The following ADAMTS6 variants were observed in gnomAD, a reference collection of about 807,000 sequenced individuals.
ADAMTS6 encodes A disintegrin and metalloproteinase with thrombospondin motifs 6.
ADAMTS6 carries 23 observed loss-of-function variants against 144.3 expected under a neutral mutation model. The ratio of observed to expected loss-of-function variants is 0.16; its 90% confidence interval spans 0.11 to 0.23. The LOEUF is 0.23. Among genes scored for constraint, ADAMTS6 ranks in the 10% least tolerant of loss-of-function variants. The pLI, the probability that ADAMTS6 is intolerant of heterozygous loss-of-function variation, is 1.00. For missense variants in ADAMTS6, 999 were observed against 1,379.6 expected (o/e 0.72, Z 4.37); for synonymous variants, 444 against 457.5 (o/e 0.97, Z 0.38).
At position 65,479,434 on chromosome 5, in the gene ADAMTS6, T is replaced by G. The variant is rs80176128; in HGVS notation, c.-280+1909A>C. On this transcript the variant is annotated intron_variant, in intron 1 of 24. Transcript: ENST00000381055. ...TATAAAACTCAAGCCCTAAATTACA[T>G]GTAGTCTCACACTTTTTTCCAGATA... Among the ~76,000 whole-genome samples, 193 of 152,318 alleles carry G rather than the reference T, an allele frequency of 1.3e-3. 2 individuals are homozygous for G. The highest frequency in any genetic ancestry group is 4.5e-3 in the African/African-American group (189 of 41,564).
At chr5:65,159,360 G>T (rs1561231583) in intron 24 of ADAMTS6, among the ~76,000 whole-genome samples, 2 of 152,118 alleles carry the variant, frequency 1.3e-5, no homozygotes, top group South Asian at 4.2e-4. Flanking sequence ...CAAAGATAGA[G>T]TCCTAGCTTC....
rs575702612 is a variant in ADAMTS6 at position 65,437,430 on chromosome 5, G to C, written c.1073+14045C>G. Among the ~76,000 whole-genome samples the C allele has an allele frequency of 5.3e-5, 8 of 152,178 alleles. No individual in the cohort carries two copies. In the South Asian group the frequency reaches 1.7e-3, roughly 32 times the overall value. On this transcript the variant is annotated intron_variant, in intron 7 of 24. Transcript: ENST00000381055. ...CATTTTTAAAACCATCAGATCTCATGAGACTTATTCACTATTACAAGAATA... is the reference window on the plus strand; with the variant it reads ...CATTTTTAAAACCATCAGATCTCATCAGACTTATTCACTATTACAAGAATA...
At chr5:65,458,677 TG>T (rs1759412585) in intron 4 of ADAMTS6, among the ~76,000 whole-genome samples, 1 of 152,260 alleles carries the variant, frequency 6.6e-6, no homozygotes, top group African/African-American at 2.4e-5. Flanking sequence ...CCCAAAGTGC[TG>T]GGATTACAGG....
At chr5:65,296,863 CA>C (rs1742888958) in intron 10 of ADAMTS6, among the ~76,000 whole-genome samples, 2 of 152,170 alleles carry the variant, frequency 1.3e-5, no homozygotes, top group Admixed American at 1.3e-4. Context: ...TTAATTTTAA[CA>C]GAGCAAGAGT....
intron 7 of ADAMTS6, among the ~76,000 whole-genome samples, chr5:65,376,171 T>A (rs1488991257): frequency 6.6e-6 from 1 of 151,940 alleles, no homozygotes; most frequent in Non-Finnish European, 1.5e-5. Context: ...AGATGACGAG[T>A]TAGTGGGTGC....
chr5:65,374,862 C>T (rs1317446079), intron 7 of ADAMTS6, among the ~76,000 whole-genome samples: 1 of 152,162 alleles, frequency 6.6e-6, no homozygotes, highest in Non-Finnish European at 1.5e-5. Flanking sequence ...TCAAACTATA[C>T]TACAAGGCTA....
At chr5:65,282,857 C>G (rs984520065) in intron 11 of ADAMTS6, among the ~76,000 whole-genome samples, 1 of 152,030 alleles carries the variant, frequency 6.6e-6, no homozygotes, top group Non-Finnish European at 1.5e-5. Flanking sequence ...TAACCTTGGC[C>G]AAGAAGGAAG....
intron 16 of ADAMTS6, among the ~76,000 whole-genome samples, chr5:65,225,574 C>T (rs569695189): frequency 7.2e-5 from 11 of 152,270 alleles, no homozygotes; most frequent in African/African-American, 2.2e-4. Flanking sequence ...ACTAGTCTGA[C>T]TAATTCCCTA....
chr5:65,274,031 A>C (rs1396614820), intron 11 of ADAMTS6, among the ~76,000 whole-genome samples: 2 of 152,076 alleles, frequency 1.3e-5, no homozygotes, highest in Non-Finnish European at 2.9e-5. Flanking sequence ...AATTTAGCCT[A>C]CCTCCATGAA....
chr5:65,321,371 C>T (rs1232856651), intron 9 of ADAMTS6, among the ~76,000 whole-genome samples: 1 of 151,824 alleles, frequency 6.6e-6, no homozygotes, highest in Non-Finnish European at 1.5e-5. Context: ...ATGTCCTTTG[C>T]CCAATTTTTA....
At chr5:65,197,766 A>AC (rs1244130205) in intron 20 of ADAMTS6, among the ~76,000 whole-genome samples, 1 of 152,174 alleles carries the variant, frequency 6.6e-6, no homozygotes, top group African/African-American at 2.4e-5. Context: ...AACAGAGTTG[A>AC]CCCCTGTTGA....
chr5:65,173,917 G>A (rs1399327994), intron 22 of ADAMTS6, among the ~76,000 whole-genome samples: 1 of 151,882 alleles, frequency 6.6e-6, no homozygotes, highest in Non-Finnish European at 1.5e-5. Context: ...CAGCTACTTG[G>A]GAGGCTGAGG....
At chr5:65,407,235 G>A (rs528999989) in intron 7 of ADAMTS6, among the ~76,000 whole-genome samples, 106 of 152,158 alleles carry the variant, frequency 7.0e-4, no homozygotes, top group African/African-American at 2.4e-3. Flanking sequence ...CAGCCAGAGA[G>A]AAAGGTCGGG....
At chr5:65,423,042 T>C (rs1053485804) in intron 7 of ADAMTS6, among the ~76,000 whole-genome samples, 2 of 152,150 alleles carry the variant, frequency 1.3e-5, no homozygotes, top group Non-Finnish European at 2.9e-5. Flanking sequence ...CTGGAGGCCA[T>C]TGTTCTAAGT....
chr5:65,283,667 TC>T (rs1447598536), intron 11 of ADAMTS6, among the ~76,000 whole-genome samples: 1 of 152,138 alleles, frequency 6.6e-6, no homozygotes, highest in Non-Finnish European at 1.5e-5. Flanking sequence ...CACCTTTTAT[TC>T]CCTAAACCTG....
chr5:65,161,340 C>T (rs1752766612), intron 24 of ADAMTS6, among the ~76,000 whole-genome samples: 1 of 152,200 alleles, frequency 6.6e-6, no homozygotes, highest in South Asian at 2.1e-4. Flanking sequence ...GCCCGGCCTC[C>T]TTGTCTCTTT....
chr5:65,160,010 A>G (rs934461262), intron 24 of ADAMTS6, among the ~76,000 whole-genome samples: 1 of 152,198 alleles, frequency 6.6e-6, no homozygotes, highest in Non-Finnish European at 1.5e-5. Flanking sequence ...TGAAACTTCT[A>G]ATTTTTTTCA....
rs780677242 is a variant in ADAMTS6 at position 65,452,201 on chromosome 5, G to T, written c.859C>A (p.Arg287Ser). 1.2e-6 allele frequency: 2 copies of T among 1,612,542 alleles called. No individual in the cohort carries two copies. The highest frequency in any genetic ancestry group is 1.7e-6 in the Non-Finnish European group (2 of 1,179,110). Reference sequence around the variant, plus strand: ...ACAACGTTTCCTAGGCTGGAATCACGGTAAAGTTTGGCAACCTGACCTCCA... The same window carrying T: ...ACAACGTTTCCTAGGCTGGAATCACTGTAAAGTTTGGCAACCTGACCTCCA... ...SVMNIVAKLYRDSSLGNVVNI... is the reference protein window; with the variant it reads ...SVMNIVAKLYSDSSLGNVVNI... The change falls in exon 6 of 25, where the codon CGT (arginine) becomes AGT (serine). Residue 287 changes from arginine to serine, a missense_variant. By Grantham distance (110) the Arg-to-Ser change is moderately radical (BLOSUM62 -1). Coordinates refer to ENST00000381055, the MANE Select transcript of ADAMTS6 (RefSeq NM_197941.4).
chr5:65,189,042 G>C (rs1015222125), intron 21 of ADAMTS6, among the ~76,000 whole-genome samples: 4 of 152,198 alleles, frequency 2.6e-5, no homozygotes, highest in Non-Finnish European at 4.4e-5. Flanking sequence ...CTCTGAGCTA[G>C]CTCTATGAAA....
Sources: gnomAD v4.1 joint callset for allele counts (sites outside exome capture counted in the v4.1 genomes callset) on GRCh38, gnomAD v4.1.1 for gene constraint, MANE v1.5 for transcripts, NCBI Gene and HGNC (gene_info 2026-07-23, HGNC 2026-07-21) for gene names.